MEGF8: variants seen among roughly 807,000 people sequenced by gnomAD.
The protein encoded by MEGF8 is multiple EGF like domains 8.
A neutral mutation model predicts 302.9 loss-of-function variants in MEGF8; 156 were observed. The observed-to-expected ratio is 0.52, with a 90% CI of 0.45 to 0.59. MEGF8 has a LOEUF of 0.59. Ranked by LOEUF, MEGF8 falls within the 20% of genes least tolerant of loss-of-function variation. MEGF8 has a pLI of 0.00. For missense variants in MEGF8, 3,345 were observed against 3,964.5 expected, an observed-to-expected ratio of 0.84 and a Z score of 4.20; for synonymous variants, 1,621 against 1,660.5, an observed-to-expected ratio of 0.98 and a Z score of 0.58.
chr19:42,334,000 C>T lies in MEGF8; in HGVS notation c.352-7C>T. On this transcript the variant is annotated splice_polypyrimidine_tract_variant and splice_region_variant and intron_variant, in intron 2 of 41. Coordinates refer to ENST00000251268, the MANE Select transcript of MEGF8 (RefSeq NM_001271938.2). ...CCCACCTTACCCAGCACACCTTGTG[C>T]CCGCAGATGCTGCTGCACCTCTTCA... 1 of 1,611,764 alleles carries T rather than the reference C, an allele frequency of 6.2e-7. No homozygotes were observed. The highest frequency in any genetic ancestry group is 1.1e-5 in the South Asian group (1 of 90,628).
intron 41 of MEGF8, among the ~76,000 whole-genome samples, chr19:42,372,876 T>A (rs2039711468): frequency 6.6e-6 from 1 of 152,026 alleles, no homozygotes; most frequent in African/African-American, 2.4e-5. Flanking sequence ...TTTCACCATG[T>A]TGCCCAGGCT....
At chr19:42,326,565 C>A in intron 1 of MEGF8, 135 bp downstream of exon 1, 1 of 1,374,992 alleles carries the variant, frequency 7.3e-7, no homozygotes, top group Non-Finnish European at 9.5e-7. Context: ...CCCAGGGTTG[C>A]AGCCAACCTG....
At chr19:42,326,539 T>C in intron 1 of MEGF8, 109 bp downstream of exon 1, 1 of 1,423,246 alleles carries the variant, frequency 7.0e-7, no homozygotes, top group South Asian at 1.6e-5. Flanking sequence ...GGCCTTTTGC[T>C]CTAAAATGCC....
Position 42,356,464 on chromosome 19 carries a change from C to T in MEGF8, c.4622+11C>T. ...GGGAAACCTGTACAGGTGAGGACTG[C>T]CCTGGGCAGGTGGGATTCGCAAATA... On this transcript the variant is annotated intron_variant, in intron 26 of 41. Coordinates refer to ENST00000251268, the MANE Select transcript of MEGF8 (RefSeq NM_001271938.2). This position sits in a 1 kb window ranked among gnomAD's most constrained non-coding sequence, Gnocchi z 5.2. The T allele has an allele frequency of 1.3e-6, 2 of 1,568,664 alleles. No individual in the cohort carries two copies. The highest frequency in any genetic ancestry group is 2.2e-5 in the East Asian group (1 of 44,454).
chr19:42,362,323 AG>A, intron 33 of MEGF8, 60 bp from the exon 34 acceptor site: 1 of 1,610,976 alleles, frequency 6.2e-7, no homozygotes, highest in South Asian at 1.1e-5. Context: ...GGAACCACCG[AG>A]TTCTCAGCTG....
rs1462626963 is a variant in MEGF8, at chr19:42,344,042, C to T, written c.1757C>T (p.Ala586Val). Residue 586 changes from alanine to valine, a missense_variant, in exon 10 of 42, where the codon GCT becomes GTT. By Grantham distance (64) the Ala-to-Val change is moderately conservative. Transcript: ENST00000251268. This position sits in a 1 kb window ranked among gnomAD's most constrained non-coding sequence, Gnocchi z 4.5. ...ECSWCQGACQ[A>V]APPPGTPLGA... ...AGTTGGTGCCAAGGAGCCTGCCAAG[C>T]TGCACCCCCTCCTGGGACCCCCTTG... The T allele has an allele frequency of 1.2e-6, 2 of 1,613,734 alleles. No individual in the cohort carries two copies. Among genetic ancestry groups the T allele is most frequent in the Admixed American group, 1.7e-5 (1 of 60,016 alleles).
At chr19:42,355,437 A>G (rs1183600363) in intron 23 of MEGF8, among the ~76,000 whole-genome samples, 1 of 152,076 alleles carries the variant, frequency 6.6e-6, no homozygotes, top group African/African-American at 2.4e-5. Flanking sequence ...CGTTTTGAGG[A>G]TCGCTGGGCC....
chr19:42,354,729 GC>G lies in MEGF8; in HGVS notation c.4144+10del. On this transcript the variant is annotated intron_variant, in intron 23 of 41. Coordinates refer to ENST00000251268, the MANE Select transcript of MEGF8 (RefSeq NM_001271938.2). The surrounding 1 kb of genome is among the most constrained non-coding windows in gnomAD (Gnocchi z 4.3). ...TGTTCAGGCCCTGTCTGGTACGGGG[GC>G]TAGGGGAAGTGGGACCTCTTAGTCC... 6.3e-7 allele frequency: 1 copy of G among 1,593,264 alleles called. No individual in the cohort carries two copies. The highest frequency in any genetic ancestry group is 8.5e-7 in the Non-Finnish European group (1 of 1,171,160).
At chr19:42,326,739 C>CTT (rs34036568) in intron 1 of MEGF8, among the ~76,000 whole-genome samples, 25 of 118,074 alleles carry the variant, frequency 2.1e-4, no homozygotes, top group Non-Finnish European at 4.0e-4. Flanking sequence ...ACTACTACTA[C>CTT]TTTTTTTTTT....
intron 8 of MEGF8, among the ~76,000 whole-genome samples, chr19:42,339,107 TACAGGCG>T (rs2039177425): frequency 6.6e-6 from 1 of 152,174 alleles, no homozygotes; most frequent in African/African-American, 2.4e-5. Context: ...TTGCTGGGAT[TACAGGCG>T]TGAGCCAATG....
At chr19:42,347,000 A>AAAAAAG (rs1447199270) in intron 12 of MEGF8, among the ~76,000 whole-genome samples, 6 of 150,554 alleles carry the variant, frequency 4.0e-5, no homozygotes, top group Admixed American at 2.7e-4. Context: ...AAAAAAAAAA[A>AAAAAAG]AAAAAGAAAA....
At chr19:42,328,611 G>A (rs1003328199) in intron 1 of MEGF8, among the ~76,000 whole-genome samples, 1 of 130,728 alleles carries the variant, frequency 7.6e-6, no homozygotes, top group African/African-American at 3.3e-5. Flanking sequence ...CTGTGTGCTG[G>A]ATATAAATCA....
Position 42,357,351 on chromosome 19 carries a change from A to T in MEGF8, c.4831-53A>T. The T allele has an allele frequency of 6.3e-7, 1 of 1,577,772 alleles. No individual in the cohort carries two copies. The highest frequency in any genetic ancestry group is 2.3e-5 in the East Asian group (1 of 44,336). On this transcript the variant is annotated intron_variant, in intron 27 of 41. Transcript: ENST00000251268. The surrounding 1 kb of genome is among the most constrained non-coding windows in gnomAD (Gnocchi z 5.2). ...GGGCTGAGGCTCGCTTCTACCCACA[A>T]GGTGACCCCTGACCTCTAGCCCCAT...
At chr19:42,366,174 C>T (rs562029228) in intron 35 of MEGF8, among the ~76,000 whole-genome samples, 1 of 152,272 alleles carries the variant, frequency 6.6e-6, no homozygotes, top group East Asian at 1.9e-4. Flanking sequence ...GGCTCAAGGG[C>T]TGCCTGATTC....
At position 42,334,067 on chromosome 19, in the gene MEGF8, C is replaced by T. The variant is rs760894078; in HGVS notation, c.412C>T (p.Arg138Cys). 2.8e-5 allele frequency: 45 copies of T among 1,613,676 alleles called. No homozygotes were observed. In the Middle Eastern group the frequency reaches 6.6e-4, roughly 24 times the overall value. ...CCTGCTGGGCTTTAACGCCTCATTC[C>T]GCTTCTCCCTGTGCCCGGGTGGCTG... is the stretch of plus-strand genomic sequence containing the variant. ...YNLLGFNASF[R>C]FSLCPGGCQS... The change falls in exon 3 of 42, where the codon CGC (arginine) becomes TGC (cysteine). Residue 138 changes from arginine to cysteine, a missense_variant. By Grantham distance (180) the Arg-to-Cys change is radical (BLOSUM62 -3). Transcript: ENST00000251268.
intron 3 of MEGF8, among the ~76,000 whole-genome samples, chr19:42,334,595 G>A (rs1235913182): frequency 6.6e-6 from 1 of 152,126 alleles, no homozygotes; most frequent in African/African-American, 2.4e-5. Flanking sequence ...TGTACATCCA[G>A]CTTTCAATCT....
In MEGF8 at chr19:42,362,278, C is replaced by T. The variant is rs1250329878; in HGVS notation, c.5844+65C>T. 4 of 1,609,286 alleles carry T rather than the reference C, an allele frequency of 2.5e-6. No homozygotes were observed. The African/African-American group carries it at 4.0e-5, about 16-fold the overall frequency. Reference sequence around the variant, plus strand: ...TAGGGCAGGGAGGTCCTGGTCTCCACTCTGGTCAGCTGTCCCACCCACCCC... The same window carrying T: ...TAGGGCAGGGAGGTCCTGGTCTCCATTCTGGTCAGCTGTCCCACCCACCCC... On this transcript the variant is annotated intron_variant, in intron 33 of 41. Transcript: ENST00000251268.
In MEGF8 at chr19:42,339,085, C is replaced by T. The variant is rs538822688; in HGVS notation, c.1513+1879C>T. 1.5e-4 allele frequency among the ~76,000 whole-genome samples: 23 copies of T among 152,188 alleles called. No individual in the cohort carries two copies. The South Asian group carries it at 2.3e-3, about 15-fold the overall frequency. On this transcript the variant is annotated intron_variant, in intron 8 of 41. Transcript: ENST00000251268. ...CTGACCTCAGGTGATCCACCTGCCTCGGCCTCCCAAATTGCTGGGATTACA... is the reference window on the plus strand; with the variant it reads ...CTGACCTCAGGTGATCCACCTGCCTTGGCCTCCCAAATTGCTGGGATTACA...
chr19:42,361,102 C>A, intron 32 of MEGF8, 96 bp downstream of exon 32: 1 of 1,308,576 alleles, frequency 7.6e-7, no homozygotes, highest in Non-Finnish European at 1.0e-6. Flanking sequence ...AGGAGTATAC[C>A]GTCTGGTTCA....
Sources: allele counts gnomAD v4.1 joint callset (sites outside exome capture counted in the v4.1 genomes callset), GRCh38; gene constraint gnomAD v4.1.1; non-coding constraint Gnocchi (gnomAD v3.1); transcripts MANE v1.5; gene names NCBI Gene and HGNC (gene_info 2026-07-23, HGNC 2026-07-21).